Variants in RNASE11 observed in about 807,000 individuals in gnomAD.
The protein encoded by RNASE11 is ribonuclease A family member 11 (inactive).
For missense variants in RNASE11, 252 were observed against 237.8 expected (o/e 1.06, Z -0.39); for synonymous variants, 105 against 86.1 (o/e 1.22, Z -1.21).
downstream of RNASE11, chr14:20,583,407 C>A: frequency 6.3e-6 from 1 of 159,396 alleles, no homozygotes; most frequent in Admixed American, 5.8e-5. Flanking sequence ...TTGTTATGTG[C>A]ATACATCAAT....
At chr14:20,583,725 C>T (rs1566561552) in exon 2 of RNASE11, 2 of 635,928 alleles carry the variant, frequency 3.1e-6, no homozygotes, top group Non-Finnish European at 4.9e-6. Context: ...GAATTATCCA[C>T]AATTTTGGAT....
chr14:20,586,174 T>C (rs1361993439), intron 1 of RNASE11, among the ~76,000 whole-genome samples: 1 of 152,216 alleles, frequency 6.6e-6, no homozygotes, highest in East Asian at 1.9e-4. Flanking sequence ...GGGATTTATC[T>C]CCCATTATTT....
Position 20,584,203 on chromosome 14 carries a change from G to T in RNASE11, c.272C>A (p.Ser91Ter). The T allele has an allele frequency of 6.2e-7, 1 of 1,614,150 alleles. No individual in the cohort carries two copies. The highest frequency in any genetic ancestry group is 8.5e-7 in the Non-Finnish European group (1 of 1,180,018). The stretch of plus-strand genomic sequence containing the variant: ...ATTGCAACACTCTTTGTCATTACCC[G>T]AACTGTTTCCCTTGGGGTCATTATA... The change falls in exon 2 of 2, where the codon TCG becomes TAG. Residue 91 changes from serine to a stop codon, truncating the protein, a stop_gained. Coordinates refer to ENST00000553849, the Ensembl canonical transcript of RNASE11. LOFTEE classifies it low-confidence loss of function (END_TRUNC).
At chr14:20,589,255 T>G (rs1461850851), upstream of RNASE11, among the ~76,000 whole-genome samples, 3 of 139,882 alleles carry the variant, frequency 2.1e-5, no homozygotes, top group Non-Finnish European at 4.7e-5. Context: ...CATCCAAGAT[T>G]TCTTTTTTTT....
At chr14:20,585,005 T>C (rs1299574058) in intron 1 of RNASE11, 5 of 899,692 alleles carry the variant, frequency 5.6e-6, no homozygotes, top group Middle Eastern at 5.5e-4. Context: ...CCCATTCTCA[T>C]TCATAAGATT....
intron 1 of RNASE11, 55 bp downstream of exon 2, chr14:20,587,508 G>T: frequency 2.2e-6 from 2 of 920,172 alleles, no homozygotes; most frequent in Non-Finnish European, 1.3e-6. Context: ...TCAAAGTTTT[G>T]CCCAAAAAAT....
At chr14:20,587,220 C>T (rs1313563993) in intron 1 of RNASE11, among the ~76,000 whole-genome samples, 1 of 152,176 alleles carries the variant, frequency 6.6e-6, no homozygotes, top group East Asian at 1.9e-4. Context: ...GATACACACA[C>T]ACCCAAACTA....
chr14:20,590,219 G>A (rs1275522429), upstream of RNASE11: 7 of 1,584,812 alleles, frequency 4.4e-6, no homozygotes, highest in Non-Finnish European at 6.0e-6. Flanking sequence ...GTCTGCCTCA[G>A]GCACAGCCAG....
chr14:20,584,387 ATTC>A (rs1566561980), exon 2 of RNASE11: 3 of 1,614,118 alleles, frequency 1.9e-6, no homozygotes, highest in Non-Finnish European at 2.5e-6. Context: ...TCGTCTGTAA[ATTC>A]TTCTTTAATT....
chr14:20,584,453 G>A, exon 2 of RNASE11: 1 of 1,602,708 alleles, frequency 6.2e-7, no homozygotes, highest in Non-Finnish European at 8.5e-7. Context: ...AGGCTGAGCA[G>A]CAGCAGAGGA....
intron 1 of RNASE11, chr14:20,585,073 T>G: frequency 1.0e-6 from 1 of 985,538 alleles, no homozygotes. Flanking sequence ...TCCACTTTGT[T>G]GCAGAGCTAA....
At chr14:20,589,932 G>A (rs1329698290), upstream of RNASE11, among the ~76,000 whole-genome samples, 3 of 152,044 alleles carry the variant, frequency 2.0e-5, no homozygotes, top group Non-Finnish European at 4.4e-5. Context: ...ATTCATCTAG[G>A]TTACTAGGTT....
chr14:20,587,142 G>C (rs1320818961), intron 1 of RNASE11, among the ~76,000 whole-genome samples: 1 of 152,182 alleles, frequency 6.6e-6, no homozygotes, highest in African/African-American at 2.4e-5. Flanking sequence ...AACAGAATGA[G>C]ACTCTGATCC....
At chr14:20,584,038 C>G in exon 2 of RNASE11, 1 of 1,614,188 alleles carries the variant, frequency 6.2e-7, no homozygotes, top group African/African-American at 1.3e-5. Flanking sequence ...CTCACAGCAG[C>G]TTATGCCAGG....
At chr14:20,583,529 TG>T (rs1397719024), downstream of RNASE11, 1 of 232,836 alleles carries the variant, frequency 4.3e-6, no homozygotes, top group African/African-American at 2.3e-5. Flanking sequence ...AGCTTTTCAT[TG>T]TCCATATTGG....
At chr14:20,587,485 C>T (rs2138893218) in intron 1 of RNASE11, 78 bp downstream of exon 2, 1 of 595,266 alleles carries the variant, frequency 1.7e-6, no homozygotes, top group Non-Finnish European at 2.1e-6. Flanking sequence ...CTAAAGGATG[C>T]ATTTCATCCA....
At chr14:20,585,406 G>T (rs1269084348) in intron 1 of RNASE11, among the ~76,000 whole-genome samples, 1 of 152,092 alleles carries the variant, frequency 6.6e-6, no homozygotes, top group African/African-American at 2.4e-5. Context: ...TTTCCAGTTA[G>T]TCAATTCATG....
upstream of RNASE11, chr14:20,587,845 C>G (rs1029070146): frequency 2.3e-5 from 23 of 985,468 alleles, no homozygotes; most frequent in Non-Finnish European, 2.8e-5. Context: ...GAGCTAACAA[C>G]TAGCGTAAGT....
In RNASE11 at chr14:20,584,434, AC is replaced by A; in HGVS notation, c.40del (p.Val14PhefsTer10). Reference sequence around the variant, plus strand: ...TGTGCTTTCTGATGCTTCTGCAAGAACCAGGCCCAGGCTGAGCAGCAGCAGA... The same window carrying A: ...TGTGCTTTCTGATGCTTCTGCAAGAACAGGCCCAGGCTGAGCAGCAGCAGA... On this transcript the variant is annotated frameshift_variant, in exon 2 of 2. Coordinates refer to ENST00000553849, the Ensembl canonical transcript of RNASE11. LOFTEE classifies it low-confidence loss of function (END_TRUNC). 1 of 1,612,142 alleles carries A rather than the reference AC, an allele frequency of 6.2e-7. No individual in the cohort carries two copies. Among genetic ancestry groups the A allele is most frequent in the Non-Finnish European group, 8.5e-7 (1 of 1,179,078 alleles).
Sources: allele counts gnomAD v4.1 joint callset (sites outside exome capture counted in the v4.1 genomes callset), GRCh38; gene constraint gnomAD v4.1.1; transcripts MANE v1.5; gene names NCBI Gene and HGNC (gene_info 2026-07-23, HGNC 2026-07-21).